IFNG-AS1: variants seen among roughly 807,000 people sequenced by gnomAD.
IFNG-AS1 encodes IFNG regulatory antisense RNA 1, also known as IFNG antisense RNA 1 (non-protein coding).
intron 2 of IFNG-AS1, among the ~76,000 whole-genome samples, chr12:67,996,988 TAGC>T (rs1448249287): frequency 1.3e-5 from 2 of 152,096 alleles, no homozygotes; most frequent in Non-Finnish European, 2.9e-5. Flanking sequence ...TAATATAAAA[TAGC>T]AGGATAAAAA....
Position 68,020,342 on chromosome 12 carries a change from G to T in IFNG-AS1, n.278+444G>T, listed in dbSNP as rs1880258071. On this transcript the variant is annotated intron_variant and non_coding_transcript_variant, in intron 4 of 5. Coordinates refer to ENST00000536914, the Ensembl canonical transcript of IFNG-AS1. Reference sequence around the variant, plus strand: ...GCTTTAGTAAGACAATTTGTATAGTGTTCAGTGTGGATTAAAATGGAGAAC... The same window carrying T: ...GCTTTAGTAAGACAATTTGTATAGTTTTCAGTGTGGATTAAAATGGAGAAC... 3 of 152,286 alleles carry T rather than the reference G, an allele frequency of 2.0e-5. No homozygotes were observed. In the South Asian group the frequency reaches 6.2e-4, roughly 32 times the overall value. 9.4% of individuals were successfully genotyped at this position (152,286 alleles called of 1,614,324 possible).
intron 1 of IFNG-AS1, among the ~76,000 whole-genome samples, chr12:67,994,419 C>T (rs539010408): frequency 8.5e-5 from 13 of 152,234 alleles, no homozygotes; most frequent in Middle Eastern, 3.4e-3. Context: ...TGGGGATCTC[C>T]TACCCCTCCT....
At chr12:68,019,499 C>T (rs1032190280) in intron 3 of IFNG-AS1, among the ~76,000 whole-genome samples, 1 of 152,172 alleles carries the variant, frequency 6.6e-6, no homozygotes, top group African/African-American at 2.4e-5. Flanking sequence ...CTCTGGAGCA[C>T]AGCGTCTGGC....
chr12:68,012,576 C>G (rs928441345), intron 3 of IFNG-AS1, among the ~76,000 whole-genome samples: 5 of 152,184 alleles, frequency 3.3e-5, no homozygotes, highest in African/African-American at 1.2e-4. Flanking sequence ...GAATTCATGT[C>G]AAAGCCACAG....
chr12:68,013,970 T>C (rs1159179616), intron 3 of IFNG-AS1, among the ~76,000 whole-genome samples: 1 of 152,144 alleles, frequency 6.6e-6, no homozygotes, highest in Non-Finnish European at 1.5e-5. Context: ...GTCCCCAAAG[T>C]CCATTGTATC....
rs150784419 is a variant in IFNG-AS1 at position 68,012,358 on chromosome 12, C to T, written n.241+6212C>T. ...ATCCCATTTGCATTCAGGGGAGTTA[C>T]TCTGAGTTTGGTCCATGACAGCCAC... On this transcript the variant is annotated intron_variant and non_coding_transcript_variant, in intron 3 of 5. Coordinates refer to ENST00000536914, the Ensembl canonical transcript of IFNG-AS1. Among the ~76,000 whole-genome samples, 51 of 152,248 alleles carry T rather than the reference C, an allele frequency of 3.3e-4. No homozygotes were observed. The East Asian group carries it at 5.2e-3, about 16-fold the overall frequency.
intron 3 of IFNG-AS1, chr12:68,013,493 T>C (rs1265825536): frequency 6.6e-6 from 1 of 152,214 alleles, no homozygotes; most frequent in Non-Finnish European, 1.5e-5. Context: ...ATTCCTCCCC[T>C]TTAATTTCAC....
At chr12:68,001,185 A>T (rs182830625) in intron 2 of IFNG-AS1, among the ~76,000 whole-genome samples, 1 of 152,304 alleles carries the variant, frequency 6.6e-6, no homozygotes, top group African/African-American at 2.4e-5. Flanking sequence ...AATCATGATG[A>T]ATGCTGTCTT....
At chr12:68,008,844 T>C (rs1329522821) in intron 3 of IFNG-AS1, among the ~76,000 whole-genome samples, 1 of 152,184 alleles carries the variant, frequency 6.6e-6, no homozygotes, top group African/African-American at 2.4e-5. Context: ...GGGTGACAGC[T>C]ACCTACAAGG....
intron 1 of IFNG-AS1, chr12:67,989,638 T>G (rs867484457): frequency 2.2e-4 from 34 of 152,286 alleles, no homozygotes; most frequent in African/African-American, 7.9e-4. Context: ...CAAATAAATG[T>G]GTTTTCTTTA....
intron 3 of IFNG-AS1, among the ~76,000 whole-genome samples, chr12:68,014,731 A>T (rs973771125): frequency 1.3e-5 from 2 of 151,940 alleles, no homozygotes; most frequent in Admixed American, 1.3e-4. Context: ...TCAGATTTTG[A>T]ACTGGCCAAG....
chr12:67,997,680 T>C (rs541944116), intron 2 of IFNG-AS1, among the ~76,000 whole-genome samples: 20 of 151,496 alleles, frequency 1.3e-4, no homozygotes, highest in African/African-American at 4.1e-4. Flanking sequence ...TTTTAATGCA[T>C]GGCAAAAACA....
intron 3 of IFNG-AS1, among the ~76,000 whole-genome samples, chr12:68,011,669 G>A (rs1368877101): frequency 1.3e-5 from 2 of 152,176 alleles, no homozygotes; most frequent in South Asian, 2.1e-4. Context: ...GAGTGCTGGT[G>A]TCAACAGAAC....
At chr12:68,012,999 A>C (rs2120468524) in intron 3 of IFNG-AS1, among the ~76,000 whole-genome samples, 1 of 152,304 alleles carries the variant, frequency 6.6e-6, no homozygotes, top group African/African-American at 2.4e-5. Context: ...ATGAAGACAA[A>C]AGGGGAAAGA....
chr12:67,999,597 A>G (rs74698382), intron 2 of IFNG-AS1, among the ~76,000 whole-genome samples: 8,545 of 152,300 alleles, frequency 0.056, 426 homozygotes, highest in East Asian at 0.2. Context: ...AGCATATAGA[A>G]TAAAATAAGT....
chr12:67,997,522 TA>T lies in IFNG-AS1; in HGVS notation n.184+1458del, dbSNP rs1264847685. ...ATGAAAAAGAGATATAATATAAATG[TA>T]AAAAAAAATTTTTTTTTAAATAGCA... is the stretch of plus-strand genomic sequence containing the variant. On this transcript the variant is annotated intron_variant and non_coding_transcript_variant, in intron 2 of 5. Transcript: ENST00000536914. 4.4e-3 allele frequency among the ~76,000 whole-genome samples: 671 copies of T among 151,318 alleles called. 6 individuals carry two copies. The highest frequency in any genetic ancestry group is 0.015 in the African/African-American group (638 of 41,316).
At chr12:67,996,958 AAC>A (rs1471444398) in intron 2 of IFNG-AS1, among the ~76,000 whole-genome samples, 2 of 152,172 alleles carry the variant, frequency 1.3e-5, no homozygotes, top group Admixed American at 6.5e-5. Flanking sequence ...CATTAACTAA[AAC>A]AATAAGATAA....
chr12:68,009,621 G>A (rs1451735708), intron 3 of IFNG-AS1, among the ~76,000 whole-genome samples: 3 of 152,172 alleles, frequency 2.0e-5, no homozygotes, highest in African/African-American at 4.8e-5. Flanking sequence ...CATTATAGGC[G>A]TGAGTCATTG....
chr12:67,992,086 G>A (rs10492201), intron 1 of IFNG-AS1, among the ~76,000 whole-genome samples: 16,464 of 152,076 alleles, frequency 0.11, 1,158 homozygotes, highest in East Asian at 0.24. Flanking sequence ...GTATCCAGGA[G>A]TAAACACATT....
Sources: gnomAD v4.1 joint callset for allele counts (sites outside exome capture counted in the v4.1 genomes callset) on GRCh38, gnomAD v4.1.1 for gene constraint, MANE v1.5 for transcripts, NCBI Gene and HGNC (gene_info 2026-07-23, HGNC 2026-07-21) for gene names.